STARD7: variants seen among roughly 807,000 people sequenced by gnomAD.
STARD7 encodes stAR-related lipid transfer protein 7, mitochondrial.
In STARD7, 30 loss-of-function variants were observed where a neutral mutation model predicts 45.3. The ratio of observed to expected loss-of-function variants is 0.66; its 90% CI spans 0.50 to 0.90. The LOEUF is 0.90. STARD7 is among the 40% of genes least tolerant of loss of function. The probability of loss-of-function intolerance (pLI) is 0.00; values close to 1 mark genes in which losing one functional copy is unlikely to be tolerated. For synonymous variants in STARD7, 199 were observed against 183.0 expected, an observed-to-expected ratio of 1.09 and a Z score of -0.70; for missense variants, 495 against 491.3, an observed-to-expected ratio of 1.01 and a Z score of -0.07.
At chr2:96,205,407 G>A (rs1315579330) in intron 1 of STARD7, among the ~76,000 whole-genome samples, 4 of 152,276 alleles carry the variant, frequency 2.6e-5, no homozygotes, top group African/African-American at 4.8e-5. Context: ...CATTCCACCC[G>A]CTTAACCAAA....
rs1053339991 is a variant in STARD7, at chr2:96,208,599, G to A, written c.-165C>T. On this transcript the variant is annotated 5_prime_UTR_variant, in exon 1 of 8. Coordinates refer to ENST00000337288, the MANE Select transcript of STARD7 (RefSeq NM_020151.4). ...ATCTGTCTCTGCAGCCACCGCTGAG[G>A]AAGAGTCTCCTCTGAGGGGAGAGTC... 1.4e-5 allele frequency: 8 copies of A among 558,254 alleles called. No individual in the cohort carries two copies. Among genetic ancestry groups the A allele is most frequent in the Middle Eastern group, 3.2e-4 (1 of 3,148 alleles). The allele number at this position is 558,254 out of a possible 1,614,324, so 34.6% of individuals were successfully genotyped here. A position where few individuals can be genotyped will look rare whatever the true frequency, so the allele number is the denominator to read the frequency against.
intron 1 of STARD7, among the ~76,000 whole-genome samples, chr2:96,201,713 T>TG (rs1391023611): frequency 6.6e-6 from 1 of 151,524 alleles, no homozygotes; most frequent in Non-Finnish European, 1.5e-5. Flanking sequence ...CACAAGAATC[T>TG]GTTGAACCCA....
intron 5 of STARD7, 85 bp from the exon 6 acceptor site, chr2:96,192,553 A>T: frequency 1.0e-6 from 1 of 986,456 alleles, no homozygotes; most frequent in South Asian, 1.3e-5. Flanking sequence ...GAAGGCCTAA[A>T]AAGCTGGCTC....
chr2:96,192,004 G>T (rs550445097), intron 6 of STARD7, among the ~76,000 whole-genome samples: 70 of 152,364 alleles, frequency 4.6e-4, no homozygotes, highest in Middle Eastern at 3.4e-3. Flanking sequence ...CAAGGAAGCA[G>T]AAATCCAGAA....
chr2:96,208,133 C>T lies in STARD7; in HGVS notation c.290+12G>A, dbSNP rs754321839. 6.5e-7 allele frequency: 1 copy of T among 1,534,598 alleles called. No homozygotes were observed. The highest frequency in any genetic ancestry group is 1.2e-5 in the South Asian group (1 of 80,742). On this transcript the variant is annotated intron_variant, in intron 1 of 7. Transcript: ENST00000337288. Reference sequence around the variant, plus strand: ...ACCCCACGGCCCAGAAAGAGCTCGCCGCAGCGCCCACCTCTGCAACTCCTC... The same window carrying T: ...ACCCCACGGCCCAGAAAGAGCTCGCTGCAGCGCCCACCTCTGCAACTCCTC...
In STARD7 at chr2:96,208,687, G is replaced by A. The variant is rs781131371; in HGVS notation, c.-253C>T. Reference sequence around the variant, plus strand: ...CTACACCAGGCACTCCTGGGCCCGGGCAGCAGACCAGTCAGCCCTGTGGCT... The same window carrying A: ...CTACACCAGGCACTCCTGGGCCCGGACAGCAGACCAGTCAGCCCTGTGGCT... On this transcript the variant is annotated 5_prime_UTR_variant, in exon 1 of 8. Coordinates refer to ENST00000337288, the MANE Select transcript of STARD7 (RefSeq NM_020151.4). 1.4e-4 allele frequency: 60 copies of A among 440,438 alleles called. No individual in the cohort carries two copies. Among genetic ancestry groups the A allele is most frequent in the Non-Finnish European group, 2.0e-4 (51 of 251,266 alleles). The allele number at this position is 440,438 out of a possible 1,614,324, so 27.3% of individuals were successfully genotyped here.
intron 1 of STARD7, among the ~76,000 whole-genome samples, chr2:96,198,309 CAA>C (rs1217050953): frequency 7.0e-6 from 1 of 143,280 alleles, no homozygotes; most frequent in Non-Finnish European, 1.5e-5. Context: ...GGCGAAAAGA[CAA>C]AACTGTCTCA....
At chr2:96,187,062 G>A (rs959539524) in intron 7 of STARD7, 148 bp from the exon 8 acceptor site, 10 of 924,976 alleles carry the variant, frequency 1.1e-5, no homozygotes, top group African/African-American at 5.1e-5. Context: ...GCTGCCTCCC[G>A]GAATGTGTTC....
At chr2:96,190,353 T>C (rs951993204) in intron 6 of STARD7, among the ~76,000 whole-genome samples, 10 of 151,226 alleles carry the variant, frequency 6.6e-5, no homozygotes, top group Admixed American at 1.3e-4. Context: ...TTTTTTTTTT[T>C]TGAGACGAGT....
Position 96,186,452 on chromosome 2 carries a change from A to G in STARD7, c.*278T>C. 3.5e-6 allele frequency: 1 copy of G among 289,340 alleles called. No homozygotes were observed. The allele number at this position is 289,340 out of a possible 1,614,324, so 17.9% of individuals were successfully genotyped here. A position where few individuals can be genotyped will look rare whatever the true frequency, so the allele number is the denominator to read the frequency against. Reference sequence around the variant, plus strand: ...ATGGAGGTCATCCCCTTCTGGCCTGAGGTGAGAGGTTTGTTCCAGATTAGC... The same window carrying G: ...ATGGAGGTCATCCCCTTCTGGCCTGGGGTGAGAGGTTTGTTCCAGATTAGC... On this transcript the variant is annotated 3_prime_UTR_variant, in exon 8 of 8. Transcript: ENST00000337288.
chr2:96,200,122 A>G (rs1250987638), intron 1 of STARD7, among the ~76,000 whole-genome samples: 1 of 152,126 alleles, frequency 6.6e-6, no homozygotes, highest in Non-Finnish European at 1.5e-5. Flanking sequence ...AGCCCAGGCT[A>G]GAGTGCAGTG....
chr2:96,190,582 C>T (rs1263682943), intron 6 of STARD7, among the ~76,000 whole-genome samples: 1 of 152,142 alleles, frequency 6.6e-6, no homozygotes, highest in Non-Finnish European at 1.5e-5. Context: ...AAGTTATCTA[C>T]ATGCCTCGGC....
intron 1 of STARD7, among the ~76,000 whole-genome samples, chr2:96,201,516 A>G (rs1368874961): frequency 6.6e-6 from 1 of 151,618 alleles, no homozygotes; most frequent in Non-Finnish European, 1.5e-5. Context: ...TGAGCCCTGG[A>G]GGTCGGGACT....
At position 96,208,404 on chromosome 2, in the gene STARD7, G is replaced by A. The variant is rs544248052; in HGVS notation, c.31C>T (p.Leu11=). 11 of 1,438,808 alleles carry A rather than the reference G, an allele frequency of 7.6e-6. No homozygotes were observed. The African/African-American group carries it at 1.3e-4, about 17-fold the overall frequency. 89.1% of individuals were successfully genotyped at this position (1,438,808 alleles called of 1,614,324 possible). A position where few individuals can be genotyped will look rare whatever the true frequency, so the allele number is the denominator to read the frequency against. The part of the protein sequence containing the change: MLPRRLLAAW[L]AGTRGGGLLA... ...AGGCCCCCGCCCCGCGTCCCCGCCA[G>A]CCAGGCGGCCAGCAGCCTCCGCGGG... Residue 11 remains leucine (L), a synonymous_variant, in exon 1 of 8, where the codon CTG becomes TTG. Coordinates refer to ENST00000337288, the MANE Select transcript of STARD7 (RefSeq NM_020151.4).
rs771490821 is a variant in STARD7, at chr2:96,195,594, T to C, written c.291-45A>G. 3.3e-6 allele frequency: 5 copies of C among 1,504,094 alleles called. No individual in the cohort carries two copies. In the African/African-American group the frequency reaches 6.9e-5, roughly 21 times the overall value. 93.2% of individuals were successfully genotyped at this position (1,504,094 alleles called of 1,614,324 possible). A position where few individuals can be genotyped will look rare whatever the true frequency, so the allele number is the denominator to read the frequency against. On this transcript the variant is annotated intron_variant, in intron 1 of 7. Transcript: ENST00000337288. ...CCATGGTGAGGTGGTTAGTCAGCCC[T>C]GTGAAATGAAGTGTCCACACAAAGG...
In STARD7 at chr2:96,186,753, G is replaced by A. The variant is rs1195793193; in HGVS notation, c.1090C>T (p.Pro364Ser). Residue 364 changes from proline (P) to serine (S), a missense_variant, in exon 8 of 8, where the codon CCT becomes TCT. Coordinates refer to ENST00000337288, the MANE Select transcript of STARD7 (RefSeq NM_020151.4). Reference sequence around the variant, plus strand: ...TGTCAAGCATACTCAATCCGAGCAGGGCCACAGCTGCCCTCGTTCTTTCGC... The same window carrying A: ...TGTCAAGCATACTCAATCCGAGCAGAGCCACAGCTGCCCTCGTTCTTTCGC... The part of the protein sequence containing the change: ...SERKNEGSCG[P>S]ARIEYA The A allele has an allele frequency of 2.5e-6, 4 of 1,612,538 alleles. No individual in the cohort carries two copies. The highest frequency in any genetic ancestry group is 8.5e-7 in the Non-Finnish European group (1 of 1,179,420).
Position 96,198,963 on chromosome 2 carries a change from G to A in STARD7, c.291-3414C>T, listed in dbSNP as rs546903565. Among the ~76,000 whole-genome samples, 113 of 152,182 alleles carry A rather than the reference G, an allele frequency of 7.4e-4. 1 individual carries two copies. The highest frequency in any genetic ancestry group is 2.6e-3 in the African/African-American group (107 of 41,502). On this transcript the variant is annotated intron_variant, in intron 1 of 7. Coordinates refer to ENST00000337288, the MANE Select transcript of STARD7 (RefSeq NM_020151.4). ...TATTCCTTCCCCAGTGAACTATCCT[G>A]GCATCCTTGTTGAAAACTGACCAAA...
At chr2:96,205,463 A>G (rs1683374363) in intron 1 of STARD7, among the ~76,000 whole-genome samples, 2 of 152,212 alleles carry the variant, frequency 1.3e-5, no homozygotes, top group Admixed American at 1.3e-4. Flanking sequence ...TTGGTACAGA[A>G]TCAGCACAGA....
chr2:96,197,117 A>AACATAACATAACAT (rs2104192086), intron 1 of STARD7, among the ~76,000 whole-genome samples: 1 of 148,650 alleles, frequency 6.7e-6, no homozygotes, highest in East Asian at 2.0e-4. Flanking sequence ...AAAATAAAAT[A>AACATAACATAACAT]AAATAAAGCC....
Sources: allele counts gnomAD v4.1 joint callset (sites outside exome capture counted in the v4.1 genomes callset), GRCh38; gene constraint gnomAD v4.1.1; transcripts MANE v1.5; gene names NCBI Gene and HGNC (gene_info 2026-07-23, HGNC 2026-07-21).